The following KIAA0586 variants were observed in gnomAD, a reference collection of about 807,000 sequenced individuals.
KIAA0586 encodes the protein KIAA0586.
A neutral mutation model predicts 169.8 loss-of-function variants in KIAA0586; 144 were observed. The ratio of observed to expected loss-of-function variants is 0.85; its 90% CI spans 0.74 to 0.97. The LOEUF is 0.97. Ranked by LOEUF, KIAA0586 falls within the 50% of genes least tolerant of loss-of-function variation. The pLI is 0.00. For synonymous variants in KIAA0586, 625 were observed against 612.4 expected, an observed-to-expected ratio of 1.02 and a Z score of -0.30; for missense variants, 1,854 against 1,823.0, an observed-to-expected ratio of 1.02 and a Z score of -0.31.
rs1566919201 is a variant in KIAA0586 at position 58,508,606 on chromosome 14, A to T, written c.4220A>T (p.Glu1407Val). 1 of 1,598,698 alleles carries T rather than the reference A, an allele frequency of 6.3e-7. No homozygotes were observed. The highest frequency in any genetic ancestry group is 8.5e-7 in the Non-Finnish European group (1 of 1,171,876). The stretch of plus-strand genomic sequence containing the variant: ...AGTCATGGTCCAATGAGTTTGGGAG[A>T]ATTGGAGTTGGAGCCAAATTCTAAG... Reference protein sequence around the residue: ...CASHGPMSLGELELEPNSKLV... With the variant: ...CASHGPMSLGVLELEPNSKLV... Residue 1407 changes from glutamate (E) to valine (V), a missense_variant, in exon 28 of 31, where the codon GAA (glutamate) becomes GTA (valine). By Grantham distance (121) the Glu-to-Val change is moderately radical. Coordinates refer to ENST00000652326, the MANE Select transcript of KIAA0586 (RefSeq NM_001329943.3).
At position 58,466,136 on chromosome 14, in the gene KIAA0586, G is replaced by T. The variant is rs1456059905; in HGVS notation, c.2254+107G>T. The T allele has an allele frequency of 8.7e-6, 7 of 808,044 alleles. 1 individual carries two copies. Among genetic ancestry groups the T allele is most frequent in the Non-Finnish European group, 1.3e-5 (7 of 521,944 alleles). 50.1% of individuals were successfully genotyped at this position (808,044 alleles called of 1,614,324 possible). The stretch of plus-strand genomic sequence containing the variant: ...TCACTGTGTGGCTCAGAGTGGTCTG[G>T]AACTCCTGGACTCAAGCAGTCCACC... On this transcript the variant is annotated intron_variant, in intron 15 of 30. Transcript: ENST00000652326.
At chr14:58,499,963 A>G (rs888294720) in intron 27 of KIAA0586, among the ~76,000 whole-genome samples, 3 of 152,264 alleles carry the variant, frequency 2.0e-5, no homozygotes, top group Non-Finnish European at 2.9e-5. Context: ...GTAGACATTT[A>G]TTCTTTATGC....
At chr14:58,439,935 C>T (rs984775575) in intron 4 of KIAA0586, 6 of 460,042 alleles carry the variant, frequency 1.3e-5, no homozygotes, top group African/African-American at 6.4e-5. Flanking sequence ...GGCCAAATAC[C>T]GAGCAAATTG....
intron 20 of KIAA0586, among the ~76,000 whole-genome samples, chr14:58,478,932 A>G (rs913797055): frequency 6.6e-6 from 1 of 152,238 alleles, no homozygotes; most frequent in Non-Finnish European, 1.5e-5. Context: ...TAGATATACC[A>G]TAATTTGTCA....
chr14:58,499,206 A>G (rs887838675), intron 27 of KIAA0586, among the ~76,000 whole-genome samples: 2 of 152,186 alleles, frequency 1.3e-5, no homozygotes, highest in African/African-American at 4.8e-5. Context: ...GGTAATACAC[A>G]TACATACACT....
intron 26 of KIAA0586, among the ~76,000 whole-genome samples, chr14:58,494,868 G>T (rs1330307805): frequency 6.6e-6 from 1 of 152,088 alleles, no homozygotes; most frequent in Non-Finnish European, 1.5e-5. Context: ...ATTTGCAGCT[G>T]GGGTTGTTAA....
chr14:58,457,876 G>A lies in KIAA0586; in HGVS notation c.1480G>A (p.Val494Ile). 6.2e-7 allele frequency: 1 copy of A among 1,607,430 alleles called. No individual in the cohort carries two copies. Among genetic ancestry groups the A allele is most frequent in the Non-Finnish European group, 8.5e-7 (1 of 1,176,502 alleles). Reference sequence around the variant, plus strand: ...AGATGCTGAGAAGATTTTGAGAGGAGTACAAAACAATAAAAAAGTACTTGA... The same window carrying A: ...AGATGCTGAGAAGATTTTGAGAGGAATACAAAACAATAAAAAAGTACTTGA... ...LKDAEKILRGVQNNKKVLEEN... is the reference protein window; with the variant it reads ...LKDAEKILRGIQNNKKVLEEN... The change falls in exon 11 of 31, where the codon GTA becomes ATA. Residue 494 changes from valine (V) to isoleucine (I), a missense_variant. Coordinates refer to ENST00000652326, the MANE Select transcript of KIAA0586 (RefSeq NM_001329943.3).
At chr14:58,447,115 G>A (rs1161950252) in intron 6 of KIAA0586, among the ~76,000 whole-genome samples, 1 of 152,112 alleles carries the variant, frequency 6.6e-6, no homozygotes, top group African/African-American at 2.4e-5. Context: ...TACAGAGAGA[G>A]TTGAAGTTTT....
At position 58,508,551 on chromosome 14, in the gene KIAA0586, A is replaced by G; in HGVS notation, c.4169-4A>G. ...TAACTTTTTATTTACATTTTTGATA[A>G]CAGGTAGTATTTATGAAGATTCATG... On this transcript the variant is annotated splice_polypyrimidine_tract_variant and splice_region_variant and intron_variant, in intron 27 of 30. Transcript: ENST00000652326. The G allele has an allele frequency of 6.4e-7, 1 of 1,556,272 alleles. No homozygotes were observed. Among genetic ancestry groups the G allele is most frequent in the Non-Finnish European group, 8.7e-7 (1 of 1,150,568 alleles).
chr14:58,453,416 C>G lies in KIAA0586; in HGVS notation c.1196C>G (p.Ser399Ter). The stretch of plus-strand genomic sequence containing the variant: ...TCTTTGACAAGAAAAAGTGAATCAT[C>G]AAACACCACCTCACTAACTAGGTCA... ...NDSLTRKSES[S>*]NTTSLTRSKI... is the part of the protein sequence containing the mutation. Residue 399 changes from serine to a stop codon, truncating the protein, a stop_gained, in exon 9 of 31, where the codon TCA becomes TGA. Coordinates refer to ENST00000652326, the MANE Select transcript of KIAA0586 (RefSeq NM_001329943.3). LOFTEE classifies it high-confidence loss of function. The G allele has an allele frequency of 6.6e-7, 1 of 1,507,490 alleles. No homozygotes were observed. Among genetic ancestry groups the G allele is most frequent in the Non-Finnish European group, 9.0e-7 (1 of 1,117,196 alleles). The allele number at this position is 1,507,490 out of a possible 1,614,324, so 93.4% of individuals were successfully genotyped here.
In KIAA0586 at chr14:58,482,684, A is replaced by G; in HGVS notation, c.3116A>G (p.Asp1039Gly). 1 of 1,574,028 alleles carries G rather than the reference A, an allele frequency of 6.4e-7. No homozygotes were observed. The highest frequency in any genetic ancestry group is 8.6e-7 in the Non-Finnish European group (1 of 1,163,552). ...QGPVATGVSG[D>G]ASTNETYLPA... Reference sequence around the variant, plus strand: ...CCTGTTGCTACAGGTGTTTCTGGGGATGCTTCAACAAATGAAACATATTTG... The same window carrying G: ...CCTGTTGCTACAGGTGTTTCTGGGGGTGCTTCAACAAATGAAACATATTTG... The change falls in exon 21 of 31, where the codon GAT becomes GGT. Residue 1039 changes from aspartate to glycine, a missense_variant. Asp to Gly is a moderately conservative substitution (Grantham distance 94, BLOSUM62 -1). Coordinates refer to ENST00000652326, the MANE Select transcript of KIAA0586 (RefSeq NM_001329943.3).
chr14:58,494,613 C>A (rs1371338797), intron 26 of KIAA0586, among the ~76,000 whole-genome samples: 1 of 152,108 alleles, frequency 6.6e-6, no homozygotes, highest in African/African-American at 2.4e-5. Flanking sequence ...AGCACAGAAC[C>A]ACCCTTGGTC....
In KIAA0586 at chr14:58,547,541, A is replaced by G. The variant is rs147476889; in HGVS notation, c.4496-240A>G. 4.6e-5 allele frequency among the ~76,000 whole-genome samples: 7 copies of G among 152,228 alleles called. No individual in the cohort carries two copies. In the East Asian group the frequency reaches 1.2e-3, roughly 25 times the overall value. ...CTTAGCATTTATCATCTGTATCACA[A>G]CTTTTAGCTTGTATACTGATGTTGT... On this transcript the variant is annotated intron_variant, in intron 30 of 30. Transcript: ENST00000652326.
chr14:58,429,294 G>A (rs891597216), intron 1 of KIAA0586, 69 bp from the exon 2 acceptor site: 3 of 888,118 alleles, frequency 3.4e-6, no homozygotes, highest in African/African-American at 3.3e-5. Flanking sequence ...CTTGAATCAT[G>A]CATATACAGT....
intron 4 of KIAA0586, among the ~76,000 whole-genome samples, chr14:58,440,790 A>G (rs956739471): frequency 4.6e-5 from 7 of 152,242 alleles, no homozygotes; most frequent in African/African-American, 1.7e-4. Context: ...GTGGAATCTG[A>G]AAAAGTCAGA....
chr14:58,457,120 A>G (rs1330746674), intron 10 of KIAA0586, among the ~76,000 whole-genome samples: 1 of 152,112 alleles, frequency 6.6e-6, no homozygotes, highest in Non-Finnish European at 1.5e-5. Context: ...AATGTCTGCC[A>G]TTTCTTCCAT....
At chr14:58,441,284 C>T (rs2038345162) in intron 4 of KIAA0586, 1 of 447,768 alleles carries the variant, frequency 2.2e-6, no homozygotes, top group African/African-American at 2.0e-5. Context: ...ACTGCAGTCT[C>T]TACCTCCTCA....
At chr14:58,547,745 C>T (rs932003866) in intron 30 of KIAA0586, 36 bp from the exon 31 acceptor site, 24 of 1,471,254 alleles carry the variant, frequency 1.6e-5, no homozygotes, top group East Asian at 1.4e-4. Context: ...ACTCAGGTTA[C>T]GCATGTTGAG....
chr14:58,453,022 A>G lies in KIAA0586; in HGVS notation c.1130-328A>G, dbSNP rs539292850. On this transcript the variant is annotated intron_variant, in intron 8 of 30. Coordinates refer to ENST00000652326, the MANE Select transcript of KIAA0586 (RefSeq NM_001329943.3). ...AACCTCCGTGTCCCAGGTTCAAGCA[A>G]TTCTCCTGCCTCAGCCTCCCAAGCA... Among the ~76,000 whole-genome samples the G allele has an allele frequency of 2.7e-4, 41 of 152,044 alleles. No homozygotes were observed. The South Asian group carries it at 6.9e-3, about 25-fold the overall frequency.
Sources: allele counts gnomAD v4.1 joint callset (sites outside exome capture counted in the v4.1 genomes callset), GRCh38; gene constraint gnomAD v4.1.1; transcripts MANE v1.5; gene names NCBI Gene and HGNC (gene_info 2026-07-23, HGNC 2026-07-21).